Variants in LOC400499 observed in about 807,000 individuals in gnomAD.
the LOC400499 span, chr16:11,385,102 C>T: frequency 8.1e-7 from 1 of 1,232,094 alleles, no homozygotes; most frequent in Non-Finnish European, 1.0e-6. Context: ...AGGTCTGACC[C>T]ACAGCCAGGT....
the LOC400499 span, among the ~76,000 whole-genome samples, chr16:11,459,495 C>T: frequency 1.3e-5 from 2 of 152,056 alleles, no homozygotes; most frequent in Admixed American, 1.3e-4. Context: ...TGCGCCCGGC[C>T]CCTAAACAAA....
the LOC400499 span, among the ~76,000 whole-genome samples, chr16:11,415,419 C>T: frequency 6.6e-6 from 1 of 152,226 alleles, no homozygotes; most frequent in Non-Finnish European, 1.5e-5. Context: ...CTCCACAGCC[C>T]TGAGCCTCGA....
the LOC400499 span, among the ~76,000 whole-genome samples, chr16:11,378,345 C>T: frequency 1.3e-5 from 2 of 149,944 alleles, no homozygotes; most frequent in Non-Finnish European, 2.9e-5. Flanking sequence ...CTTACTGCAA[C>T]CTCTGCCTCC....
At chr16:11,375,956 C>G in the LOC400499 span, among the ~76,000 whole-genome samples, 1 of 152,120 alleles carries the variant, frequency 6.6e-6, no homozygotes, top group Non-Finnish European at 1.5e-5. Flanking sequence ...TGAGGCTGGT[C>G]TCGAACGCCT....
chr16:11,453,409 C>T, the LOC400499 span, among the ~76,000 whole-genome samples: 5 of 152,018 alleles, frequency 3.3e-5, no homozygotes, highest in East Asian at 9.6e-4. Flanking sequence ...TGGGGGAAAG[C>T]CTCCAACAGG....
At chr16:11,392,133 C>G in the LOC400499 span, 2 of 399,074 alleles carry the variant, frequency 5.0e-6, no homozygotes, top group South Asian at 2.5e-4. Flanking sequence ...GCTGGGGCCT[C>G]GCAGGAATGA....
the LOC400499 span, among the ~76,000 whole-genome samples, chr16:11,452,314 T>C: frequency 6.8e-4 from 103 of 152,024 alleles, no homozygotes; most frequent in Non-Finnish European, 6.9e-4. Flanking sequence ...ATTCTGTTGC[T>C]TTCAGACAGA....
the LOC400499 span, among the ~76,000 whole-genome samples, chr16:11,523,977 T>C: frequency 4.2e-5 from 4 of 95,780 alleles, no homozygotes; most frequent in African/African-American, 1.7e-4. Flanking sequence ...CCCTCTCCTA[T>C]CCATCTATCT....
chr16:11,407,886 C>A, the LOC400499 span, among the ~76,000 whole-genome samples: 238 of 149,532 alleles, frequency 1.6e-3, no homozygotes, highest in African/African-American at 5.3e-3. Context: ...AGAATCACTG[C>A]GGGGGAACTT....
the LOC400499 span, among the ~76,000 whole-genome samples, chr16:11,451,897 C>G: frequency 3.9e-5 from 6 of 152,108 alleles, no homozygotes; most frequent in Non-Finnish European, 7.4e-5. Flanking sequence ...CTGGTCCCTG[C>G]CCAGTTGCTC....
chr16:11,390,265 C>T, the LOC400499 span: 4 of 1,232,674 alleles, frequency 3.2e-6, no homozygotes, highest in Admixed American at 8.4e-5. Flanking sequence ...TACGCCCCAT[C>T]CTTGCTCACT....
At chr16:11,410,347 A>C in the LOC400499 span, among the ~76,000 whole-genome samples, 1 of 152,138 alleles carries the variant, frequency 6.6e-6, no homozygotes, top group East Asian at 1.9e-4. Context: ...CCAGCTACTC[A>C]GGAGGCTGGG....
the LOC400499 span, chr16:11,383,603 C>T: frequency 1.1e-5 from 13 of 1,232,274 alleles, no homozygotes; most frequent in Non-Finnish European, 1.3e-5. Flanking sequence ...AAGGCAGATG[C>T]CAGACGGGGC....
chr16:11,399,684 C>T, the LOC400499 span: 11 of 398,674 alleles, frequency 2.8e-5, no homozygotes, highest in Admixed American at 1.3e-4. Flanking sequence ...CTCGGTGCAG[C>T]GGTCAGGCCC....
the LOC400499 span, among the ~76,000 whole-genome samples, chr16:11,398,066 G>A: frequency 3.9e-5 from 6 of 152,266 alleles, no homozygotes; most frequent in East Asian, 1.2e-3. Context: ...TCTAACTCAT[G>A]TGCCCGGCAC....
At chr16:11,478,256 G>C in the LOC400499 span, among the ~76,000 whole-genome samples, 2 of 149,892 alleles carry the variant, frequency 1.3e-5, no homozygotes, top group Non-Finnish European at 3.0e-5. Context: ...TCAAACTCCT[G>C]ATCTCAGGTG....
the LOC400499 span, chr16:11,470,829 G>C: frequency 6.6e-6 from 1 of 152,606 alleles, no homozygotes; most frequent in Non-Finnish European, 1.5e-5. Flanking sequence ...GCCTCTGAGG[G>C]GTCCCACTGA....
the LOC400499 span, among the ~76,000 whole-genome samples, chr16:11,430,104 A>G: frequency 1.3e-5 from 2 of 152,336 alleles, no homozygotes; most frequent in South Asian, 4.1e-4. Flanking sequence ...TGTCCTACCA[A>G]CAGGCTTTCT....
the LOC400499 span, among the ~76,000 whole-genome samples, chr16:11,458,505 CAAA>C: frequency 6.2e-5 from 7 of 113,436 alleles, no homozygotes; most frequent in Admixed American, 8.5e-5. Flanking sequence ...AACTCTGTCT[CAAA>C]AAAAAAAAAA....
Sources: gnomAD v4.1 joint callset for allele counts (sites outside exome capture counted in the v4.1 genomes callset) on GRCh38, gnomAD v4.1.1 for gene constraint, MANE v1.5 for transcripts.